Variants in BTBD18 observed in about 807,000 individuals in gnomAD.
BTBD18 encodes BTB domain containing 18, also known as BTB/POZ domain-containing protein 18.
For synonymous variants in BTBD18, 311 were observed against 324.4 expected, an observed-to-expected ratio of 0.96 and a Z score of 0.44; for missense variants, 787 against 846.3, an observed-to-expected ratio of 0.93 and a Z score of 0.87.
intron 2 of BTBD18, among the ~76,000 whole-genome samples, chr11:57,748,179 C>T (rs1949232769): frequency 6.6e-6 from 1 of 152,160 alleles, no homozygotes; most frequent in Admixed American, 6.5e-5. Flanking sequence ...TCCTTGGCCT[C>T]CCAAAGTGCT....
chr11:57,745,392 C>A lies in BTBD18; in HGVS notation c.881G>T (p.Gly294Val). ...ACTCCTCTGCCGCCAAAGACGCCGG[C>A]CAGGGGTTGCAGGCACTGAGCTAGA... ...SGSSSVPATP[G>V]RRLWRQRSVN... The change falls in exon 3 of 3, where the codon GGC becomes GTC. Residue 294 changes from glycine (G) to valine (V), a missense_variant. Physicochemically the swap from Gly to Val is moderately radical, Grantham distance 109 (BLOSUM62 -3). Coordinates refer to ENST00000422652, the MANE Select transcript of BTBD18 (RefSeq NM_001145101.3). 6.4e-7 allele frequency: 1 copy of A among 1,551,684 alleles called. No individual in the cohort carries two copies. The highest frequency in any genetic ancestry group is 8.7e-7 in the Non-Finnish European group (1 of 1,147,000).
chr11:57,746,182 T>G, intron 2 of BTBD18, 34 bp from the exon 3 acceptor site: 1 of 1,480,000 alleles, frequency 6.8e-7, no homozygotes, highest in Non-Finnish European at 9.1e-7. Flanking sequence ...TGTTATCAGG[T>G]AGACTGGCAT....
chr11:57,746,219 T>G, intron 2 of BTBD18, 71 bp from the exon 3 acceptor site: 1 of 1,143,204 alleles, frequency 8.7e-7, no homozygotes, highest in Non-Finnish European at 1.2e-6. Context: ...TAGACATTAC[T>G]ACCCAAATGT....
rs1470278539 is a variant in BTBD18 at position 57,744,764 on chromosome 11, A to G, written c.1509T>C (p.Cys503=). The stretch of plus-strand genomic sequence containing the variant: ...CTATAGGTGGTTCAATGTCTGAGCC[A>G]CAGAGCATGAAGTCCAGGATCTCCT... ...ELEEILDFML[C]GSDIEPPIGS... The change falls in exon 3 of 3, where the codon TGT becomes TGC. Residue 503 remains cysteine (C), a synonymous_variant. Transcript: ENST00000422652. The G allele has an allele frequency of 6.4e-7, 1 of 1,551,740 alleles. No individual in the cohort carries two copies. Among genetic ancestry groups the G allele is most frequent in the Admixed American group, 2.0e-5 (1 of 51,006 alleles).
At position 57,745,565 on chromosome 11, in the gene BTBD18, A is replaced by G. The variant is rs1230214809; in HGVS notation, c.708T>C (p.Asn236=). 1.9e-6 allele frequency: 3 copies of G among 1,551,124 alleles called. No homozygotes were observed. The highest frequency in any genetic ancestry group is 2.6e-6 in the Non-Finnish European group (3 of 1,146,978). ...SHSQEPRENK[N]DTALDPTVLS... ...GCACTGTAGGATCAAGGGCAGTGTC[A>G]TTCTTGTTCTCTCTAGGCTCTTGAC... Residue 236 remains asparagine, a synonymous_variant, in exon 3 of 3, where the codon AAT becomes AAC. Transcript: ENST00000422652.
chr11:57,751,283 GTTTT>G (rs1949301650), intron 1 of BTBD18, 47 bp from the exon 2 acceptor site: 4 of 1,072,516 alleles, frequency 3.7e-6, no homozygotes, highest in Non-Finnish European at 5.0e-6. Flanking sequence ...CATCTAATTT[GTTTT>G]TTGTCTTTGA....
Position 57,745,069 on chromosome 11 carries a change from A to G in BTBD18, c.1204T>C (p.Phe402Leu). 1 of 1,551,696 alleles carries G rather than the reference A, an allele frequency of 6.4e-7. No individual in the cohort carries two copies. The highest frequency in any genetic ancestry group is 1.2e-5 in the South Asian group (1 of 84,056). ...GACATTTCCTGCTCATTACTGGAGA[A>G]TGGCTGAGTTCCTGAAGGCTCTTGG... ...DFQEPSGTQP[F>L]SSNEQEMSPT... Residue 402 changes from phenylalanine to leucine, a missense_variant, in exon 3 of 3, where the codon TTC becomes CTC. By Grantham distance (22) the Phe-to-Leu change is conservative. Coordinates refer to ENST00000422652, the MANE Select transcript of BTBD18 (RefSeq NM_001145101.3).
At chr11:57,751,023 T>C (rs1351793703) in intron 2 of BTBD18, 42 bp downstream of exon 2, 30 of 1,487,010 alleles carry the variant, frequency 2.0e-5, no homozygotes, top group East Asian at 7.9e-5. Context: ...TTTTATCTTA[T>C]TCTATGGTGA....
At chr11:57,746,805 CAA>C (rs35274578) in intron 2 of BTBD18, among the ~76,000 whole-genome samples, 19 of 95,498 alleles carry the variant, frequency 2.0e-4, no homozygotes, top group Admixed American at 3.6e-4. Flanking sequence ...ACCTTGTCTC[CAA>C]AAAAAAAAAA....
rs746838452 is a variant in BTBD18, at chr11:57,746,073, C to G, written c.200G>C (p.Arg67Thr). Residue 67 changes from arginine to threonine, a missense_variant, in exon 3 of 3, where the codon AGG becomes ACG. By Grantham distance (71) the Arg-to-Thr change is moderately conservative (BLOSUM62 -1). Coordinates refer to ENST00000422652, the MANE Select transcript of BTBD18 (RefSeq NM_001145101.3). Reference protein sequence around the residue: ...PFFTERLERERPAQGGKVVLE... With the variant: ...PFFTERLERETPAQGGKVVLE... The stretch of plus-strand genomic sequence containing the variant: ...CACCACCTTCCCACCCTGAGCTGGC[C>G]TCTCCCGCTCCAGGCGCTCTGTGAA... 1.5e-5 allele frequency: 23 copies of G among 1,551,482 alleles called. No individual in the cohort carries two copies. The South Asian group carries it at 2.6e-4, about 18-fold the overall frequency.
rs2135689489 is a variant in BTBD18 at position 57,745,216 on chromosome 11, C to T, written c.1057G>A (p.Gly353Arg). The T allele has an allele frequency of 1.3e-6, 2 of 1,551,688 alleles. No individual in the cohort carries two copies. The highest frequency in any genetic ancestry group is 1.7e-6 in the Non-Finnish European group (2 of 1,146,990). Reference protein sequence around the residue: ...RAPNSDSAEEGQVGRVKLRKI... With the variant: ...RAPNSDSAEERQVGRVKLRKI... Reference sequence around the variant, plus strand: ...CTAAGTTTAACTCTCCCAACCTGCCCCTCCTCTGCAGAGTCTGAGTTAGGT... The same window carrying T: ...CTAAGTTTAACTCTCCCAACCTGCCTCTCCTCTGCAGAGTCTGAGTTAGGT... Residue 353 changes from glycine (G) to arginine (R), a missense_variant, in exon 3 of 3, where the codon GGG (glycine) becomes AGG (arginine). Transcript: ENST00000422652.
In BTBD18 at chr11:57,751,316, A is replaced by G. The variant is rs905143326; in HGVS notation, c.-48-80T>C. 24 of 693,794 alleles carry G rather than the reference A, an allele frequency of 3.5e-5. No individual in the cohort carries two copies. The African/African-American group carries it at 4.5e-4, about 13-fold the overall frequency. 43.0% of individuals were successfully genotyped at this position (693,794 alleles called of 1,614,324 possible). A position where few individuals can be genotyped will look rare whatever the true frequency, so the allele number is the denominator to read the frequency against. On this transcript the variant is annotated intron_variant, in intron 1 of 2. Coordinates refer to ENST00000422652, the MANE Select transcript of BTBD18 (RefSeq NM_001145101.3). Reference sequence around the variant, plus strand: ...TCTTTGAAATGGCAGGGGAATTTTGAAAGTGAGAGATAATAGTATGAGTTG... The same window carrying G: ...TCTTTGAAATGGCAGGGGAATTTTGGAAGTGAGAGATAATAGTATGAGTTG...
In BTBD18 at chr11:57,751,247, G is replaced by GAT. The variant is rs1417541012; in HGVS notation, c.-48-13_-48-12dup. On this transcript the variant is annotated splice_polypyrimidine_tract_variant and intron_variant, in intron 1 of 2. Transcript: ENST00000422652. Reference sequence around the variant, plus strand: ...TCACAGATCAGACTCCTGTAGGTGAGATAATACATTTCAGAGGCATGGTTA... The same window carrying GAT: ...TCACAGATCAGACTCCTGTAGGTGAGATATAATACATTTCAGAGGCATGGTTA... The GAT allele has an allele frequency of 1.5e-6, 2 of 1,346,254 alleles. No individual in the cohort carries two copies. The highest frequency in any genetic ancestry group is 1.9e-6 in the Non-Finnish European group (2 of 1,028,278). 83.4% of individuals were successfully genotyped at this position (1,346,254 alleles called of 1,614,324 possible). A position where few individuals can be genotyped will look rare whatever the true frequency, so the allele number is the denominator to read the frequency against.
In BTBD18 at chr11:57,744,718, C is replaced by G. The variant is rs1404063366; in HGVS notation, c.1555G>C (p.Ala519Pro). Residue 519 changes from alanine to proline, a missense_variant, in exon 3 of 3, where the codon GCT (alanine) becomes CCT (proline). By Grantham distance (27) the Ala-to-Pro change is conservative. Transcript: ENST00000422652. ...PPIGSLESPG[A>P]EGCRTPTYHL... Reference sequence around the variant, plus strand: ...TAGGTAGGCGTTCTGCAGCCCTCAGCCCCTGGACTCTCCAGAGACCCTATA... The same window carrying G: ...TAGGTAGGCGTTCTGCAGCCCTCAGGCCCTGGACTCTCCAGAGACCCTATA... The G allele has an allele frequency of 6.4e-7, 1 of 1,551,612 alleles. No homozygotes were observed. Among genetic ancestry groups the G allele is most frequent in the Non-Finnish European group, 8.7e-7 (1 of 1,147,004 alleles).
chr11:57,744,245 C>T lies in BTBD18; in HGVS notation c.2028G>A (p.Glu676=), dbSNP rs765180887. Residue 676 remains glutamate (E), a synonymous_variant, in exon 3 of 3, where the codon GAG becomes GAA. Transcript: ENST00000422652. ...GSLPASSEEE[E]IDVVDWTAEG... is the part of the protein sequence containing the mutation. Reference sequence around the variant, plus strand: ...CTGCTGTCCAGTCCACCACATCAATCTCTTCCTCTTCAGAGCTGGCAGGAA... The same window carrying T: ...CTGCTGTCCAGTCCACCACATCAATTTCTTCCTCTTCAGAGCTGGCAGGAA... The T allele has an allele frequency of 6.4e-7, 1 of 1,551,736 alleles. No homozygotes were observed.
chr11:57,752,052 T>C (rs1233468356), upstream of BTBD18, among the ~76,000 whole-genome samples: 1 of 152,214 alleles, frequency 6.6e-6, no homozygotes, highest in Non-Finnish European at 1.5e-5. Flanking sequence ...TAAAGCATTT[T>C]ACCCCTCCCA....
rs772878027 is a variant in BTBD18, at chr11:57,746,125, A to T, written c.148T>A (p.Cys50Ser). 15 of 1,548,482 alleles carry T rather than the reference A, an allele frequency of 9.7e-6. No homozygotes were observed. In the South Asian group the frequency reaches 1.8e-4, roughly 18 times the overall value. ...AAGGGGCTACAAGCTGACAGGATGC[A>T]GCAGTGAGCTGGAACTGCCTCACCT... ...AEGEAVPAHC[C>S]ILSACSPFFT... The change falls in exon 3 of 3, where the codon TGC (cysteine) becomes AGC (serine). Residue 50 changes from cysteine to serine, a missense_variant. Transcript: ENST00000422652.
chr11:57,745,965 T>C lies in BTBD18; in HGVS notation c.308A>G (p.Glu103Gly). Residue 103 changes from glutamate (E) to glycine (G), a missense_variant, in exon 3 of 3, where the codon GAA becomes GGA. Coordinates refer to ENST00000422652, the MANE Select transcript of BTBD18 (RefSeq NM_001145101.3). ...LYTSEMEVSQ[E>G]EAQDVLSAAR... is the part of the protein sequence containing the mutation. ...AGCAGATAGCACATCCTGGGCTTCT[T>C]CTTGAGATACTTCCATTTCTGAGGT... 1 of 1,551,692 alleles carries C rather than the reference T, an allele frequency of 6.4e-7. No individual in the cohort carries two copies. The highest frequency in any genetic ancestry group is 8.7e-7 in the Non-Finnish European group (1 of 1,146,996).
chr11:57,744,176 G>A lies in BTBD18; in HGVS notation c.2097C>T (p.Asp699=), dbSNP rs772670005. Reference sequence around the variant, plus strand: ...CCTCTGTTTCTGACTCTGAGGAAGGGTCAGGCCACACGGAGGGAACAGTAG... The same window carrying A: ...CCTCTGTTTCTGACTCTGAGGAAGGATCAGGCCACACGGAGGGAACAGTAG... The part of the protein sequence containing the change: ...VPTTVPSVWP[D]PSSESETEVD... The change falls in exon 3 of 3, where the codon GAC becomes GAT. Residue 699 remains aspartate (D), a synonymous_variant. Transcript: ENST00000422652. 3.9e-6 allele frequency: 6 copies of A among 1,551,554 alleles called. No homozygotes were observed. The highest frequency in any genetic ancestry group is 2.7e-5 in the African/African-American group (2 of 73,144).
Sources: gnomAD v4.1 joint callset for allele counts (sites outside exome capture counted in the v4.1 genomes callset) on GRCh38, gnomAD v4.1.1 for gene constraint, MANE v1.5 for transcripts, NCBI Gene and HGNC (gene_info 2026-07-23, HGNC 2026-07-21) for gene names.